Variants in SLC35F4 observed in about 807,000 individuals in gnomAD.
The protein encoded by SLC35F4 is solute carrier family 35 member F4.
In SLC35F4, 24 loss-of-function variants were observed where a neutral mutation model predicts 44.2. The ratio of observed to expected loss-of-function variants is 0.54; its 90% CI spans 0.39 to 0.76. The LOEUF is 0.76. SLC35F4 is among the 30% of genes least tolerant of loss of function. The pLI is 0.00. For missense variants in SLC35F4, 562 were observed against 586.1 expected (o/e 0.96, Z 0.42); for synonymous variants, 238 against 223.6 (o/e 1.06, Z -0.57).
chr14:57,742,169 C>A (rs542284650), intron 1 of SLC35F4, among the ~76,000 whole-genome samples: 1 of 152,134 alleles, frequency 6.6e-6, no homozygotes, highest in African/African-American at 2.4e-5. Flanking sequence ...CATCAACTAA[C>A]GAGCAAAATA....
chr14:57,947,471 A>T (rs1279631261), intron 1 of SLC35F4, among the ~76,000 whole-genome samples: 1 of 152,164 alleles, frequency 6.6e-6, no homozygotes, highest in Non-Finnish European at 1.5e-5. Context: ...CCATATCATC[A>T]GTGAACAGCA....
At chr14:57,726,773 T>C (rs1239878470) in intron 1 of SLC35F4, among the ~76,000 whole-genome samples, 1 of 152,182 alleles carries the variant, frequency 6.6e-6, no homozygotes, top group Non-Finnish European at 1.5e-5. Context: ...GACTGAAGGA[T>C]GCAAATTATT....
At chr14:57,650,090 C>T (rs55822212) in intron 1 of SLC35F4, among the ~76,000 whole-genome samples, 11,507 of 152,140 alleles carry the variant, frequency 0.076, 515 homozygotes, top group South Asian at 0.096. Flanking sequence ...GCTTTTCTAA[C>T]GTGACTTCTC....
At chr14:57,673,135 T>C (rs1431627128) in intron 1 of SLC35F4, among the ~76,000 whole-genome samples, 1 of 152,142 alleles carries the variant, frequency 6.6e-6, no homozygotes, top group Non-Finnish European at 1.5e-5. Context: ...TTATAAATCA[T>C]ATTTCAATAG....
chr14:57,954,277 G>T (rs922029278), intron 1 of SLC35F4, among the ~76,000 whole-genome samples: 1 of 152,190 alleles, frequency 6.6e-6, no homozygotes, highest in African/African-American at 2.4e-5. Context: ...AGCCAAAGCA[G>T]TGTTTAAGGG....
intron 1 of SLC35F4, among the ~76,000 whole-genome samples, chr14:57,861,721 C>T (rs1289509738): frequency 6.6e-6 from 1 of 152,178 alleles, no homozygotes; most frequent in Admixed American, 6.5e-5. Context: ...CTCAGCTAAA[C>T]TCTTCCCCTT....
intron 1 of SLC35F4, chr14:57,596,752 T>C: frequency 4.4e-6 from 6 of 1,352,146 alleles, no homozygotes; most frequent in Non-Finnish European, 6.0e-6. Context: ...CAGTGATTTA[T>C]CTTCCTTTCT....
At chr14:57,843,895 G>A (rs964500265) in intron 1 of SLC35F4, among the ~76,000 whole-genome samples, 14 of 152,002 alleles carry the variant, frequency 9.2e-5, no homozygotes, top group African/African-American at 3.1e-4. Flanking sequence ...TAAGTAGCCA[G>A]AATCAAAAAT....
At chr14:57,674,505 A>G (rs1335882055) in intron 1 of SLC35F4, among the ~76,000 whole-genome samples, 1 of 152,194 alleles carries the variant, frequency 6.6e-6, no homozygotes, top group Non-Finnish European at 1.5e-5. Context: ...GTAAACTGGT[A>G]CAATGGAACA....
At chr14:57,853,995 G>A (rs923397222) in intron 1 of SLC35F4, among the ~76,000 whole-genome samples, 2 of 152,116 alleles carry the variant, frequency 1.3e-5, no homozygotes, top group Admixed American at 1.3e-4. Flanking sequence ...GTCTCAAATG[G>A]CATAGAACCA....
chr14:57,861,268 C>T (rs1404784369), intron 1 of SLC35F4, among the ~76,000 whole-genome samples: 1 of 152,166 alleles, frequency 6.6e-6, no homozygotes, highest in Admixed American at 6.5e-5. Flanking sequence ...CCTCAACAGA[C>T]TCCCACCATC....
chr14:57,592,781 C>T (rs886671169), intron 2 of SLC35F4, among the ~76,000 whole-genome samples: 2 of 152,168 alleles, frequency 1.3e-5, no homozygotes, highest in African/African-American at 2.4e-5. Context: ...TCCCCCACCC[C>T]TAATTGAATC....
chr14:57,629,710 G>C (rs1351669913), intron 1 of SLC35F4: 1 of 226,968 alleles, frequency 4.4e-6, no homozygotes, highest in Non-Finnish European at 8.8e-6. Flanking sequence ...AATACACATA[G>C]ATCTGTATAG....
intron 4 of SLC35F4, chr14:57,580,366 A>G (rs1418892523): frequency 1.1e-5 from 2 of 179,922 alleles, no homozygotes; most frequent in African/African-American, 2.4e-5. Context: ...AATTCTATCT[A>G]TCTTGGACAT....
At chr14:57,655,316 G>T (rs767251797) in intron 1 of SLC35F4, among the ~76,000 whole-genome samples, 1 of 152,090 alleles carries the variant, frequency 6.6e-6, no homozygotes, top group Admixed American at 6.6e-5. Flanking sequence ...GAGGCACTGC[G>T]CTGAGTGCTG....
intron 1 of SLC35F4, among the ~76,000 whole-genome samples, chr14:57,908,104 C>G (rs1889140711): frequency 6.6e-6 from 1 of 152,102 alleles, no homozygotes; most frequent in South Asian, 2.1e-4. Context: ...CATCCATGTC[C>G]CTGCAAAGGA....
At chr14:57,806,283 A>G (rs544709346) in intron 1 of SLC35F4, among the ~76,000 whole-genome samples, 2 of 152,340 alleles carry the variant, frequency 1.3e-5, no homozygotes, top group South Asian at 2.1e-4. Context: ...TTTAAAGTAC[A>G]TTGCTAACCA....
intron 1 of SLC35F4, among the ~76,000 whole-genome samples, chr14:57,627,791 G>C (rs1211775913): frequency 1.3e-5 from 2 of 151,938 alleles, no homozygotes; most frequent in Admixed American, 6.6e-5. Flanking sequence ...TTTTAAAAAA[G>C]AGAAATTTAA....
chr14:57,978,915 G>A (rs548881547), intron 1 of SLC35F4, among the ~76,000 whole-genome samples: 1 of 152,352 alleles, frequency 6.6e-6, no homozygotes, highest in East Asian at 1.9e-4. Flanking sequence ...TGGTGGAAGT[G>A]AGTAGTCCTC....
Sources: allele counts gnomAD v4.1 joint callset (sites outside exome capture counted in the v4.1 genomes callset), GRCh38; gene constraint gnomAD v4.1.1; transcripts MANE v1.5; gene names NCBI Gene and HGNC (gene_info 2026-07-23, HGNC 2026-07-21).